NKAIN3: variants seen among roughly 807,000 people sequenced by gnomAD.
NKAIN3 encodes the protein sodium/potassium transporting ATPase interacting 3, also known as sodium/potassium-transporting ATPase subunit beta-1-interacting protein 3.
A neutral mutation model predicts 30.2 loss-of-function variants in NKAIN3; 25 were observed. That is an observed-to-expected ratio of 0.83 (90% CI 0.60 to 1.16). The LOEUF (loss-of-function observed/expected upper bound fraction) is 1.16, where lower values mean the gene tolerates loss of function less well. Ranked by LOEUF, NKAIN3 falls within the 50% of genes most tolerant of loss-of-function variation. NKAIN3 has a pLI of 0.00. For synonymous variants in NKAIN3, 91 were observed against 89.6 expected, an observed-to-expected ratio of 1.02 and a Z score of -0.09; for missense variants, 225 against 254.1, an observed-to-expected ratio of 0.89 and a Z score of 0.78.
intron 1 of NKAIN3, among the ~76,000 whole-genome samples, chr8:62,548,266 A>G (rs1415444505): frequency 2.6e-5 from 4 of 152,238 alleles, no homozygotes; most frequent in African/African-American, 7.2e-5. Flanking sequence ...AAATATATTC[A>G]GTATTTTAAT....
At chr8:62,958,728 T>A (rs562377648) in intron 6 of NKAIN3, among the ~76,000 whole-genome samples, 1 of 152,228 alleles carries the variant, frequency 6.6e-6, no homozygotes, top group Non-Finnish European at 1.5e-5. Context: ...AAATTGAAGT[T>A]TGTCAAAATC....
At chr8:62,883,457 G>GTTGTTGTTGTTTT in intron 4 of NKAIN3, among the ~76,000 whole-genome samples, 2 of 70,226 alleles carry the variant, frequency 2.8e-5, no homozygotes, top group African/African-American at 7.0e-5. Context: ...AGTTTTATGG[G>GTTGTTGTTGTTTT]TTTTTTTTTT....
chr8:62,698,569 A>T (rs1464449173), intron 3 of NKAIN3, among the ~76,000 whole-genome samples: 1 of 152,132 alleles, frequency 6.6e-6, no homozygotes, highest in Non-Finnish European at 1.5e-5. Flanking sequence ...ACTCTCATGG[A>T]GTTCTTACCA....
intron 1 of NKAIN3, among the ~76,000 whole-genome samples, chr8:62,547,152 A>C (rs541063184): frequency 6.6e-6 from 1 of 152,274 alleles, no homozygotes; most frequent in Admixed American, 6.5e-5. Flanking sequence ...TGATCAAATA[A>C]ATTTTAATGA....
chr8:62,426,297 T>C (rs1804807374), intron 1 of NKAIN3, among the ~76,000 whole-genome samples: 1 of 151,980 alleles, frequency 6.6e-6, no homozygotes, highest in South Asian at 2.1e-4. Flanking sequence ...AAAGAAGTCT[T>C]TCTTTCCTGA....
chr8:62,454,533 T>C (rs1028762981), intron 1 of NKAIN3, among the ~76,000 whole-genome samples: 7 of 145,650 alleles, frequency 4.8e-5, no homozygotes, highest in African/African-American at 1.8e-4. Flanking sequence ...GTAAAAACTA[T>C]AAATTGAACT....
chr8:62,334,944 TAAAG>T (rs1274886081), intron 1 of NKAIN3, among the ~76,000 whole-genome samples: 1 of 151,998 alleles, frequency 6.6e-6, no homozygotes, highest in Non-Finnish European at 1.5e-5. Flanking sequence ...AGTAAGTAAT[TAAAG>T]AGACAGGAAC....
intron 1 of NKAIN3, among the ~76,000 whole-genome samples, chr8:62,302,790 A>G (rs1814093496): frequency 6.6e-6 from 1 of 151,134 alleles, no homozygotes; most frequent in Non-Finnish European, 1.5e-5. Context: ...AAATAGAATG[A>G]TAGGGCTTGA....
chr8:62,395,948 T>C (rs1354082436), intron 1 of NKAIN3, among the ~76,000 whole-genome samples: 1 of 152,206 alleles, frequency 6.6e-6, no homozygotes, highest in Non-Finnish European at 1.5e-5. Flanking sequence ...TGTATTTAAA[T>C]CACCCATATA....
rs10103467 is a variant in NKAIN3, at chr8:62,578,902, G to A, written c.55-637G>A. Among the ~76,000 whole-genome samples, 4 of 152,000 alleles carry A rather than the reference G, an allele frequency of 2.6e-5. No individual in the cohort carries two copies. In the East Asian group the frequency reaches 5.8e-4, roughly 22 times the overall value. On this transcript the variant is annotated intron_variant, in intron 1 of 6. Transcript: ENST00000623646. The stretch of plus-strand genomic sequence containing the variant: ...GTTACCAGAGGCTGGGAAGGGGAGC[G>A]AGGAAAAGATAAAATGAGGATGGTT...
chr8:62,711,091 C>T (rs989181815), intron 3 of NKAIN3, among the ~76,000 whole-genome samples: 2 of 152,118 alleles, frequency 1.3e-5, no homozygotes, highest in African/African-American at 4.8e-5. Flanking sequence ...TGTAGGGTTC[C>T]TACCGAGAAA....
At chr8:62,326,542 T>G (rs1346402252) in intron 1 of NKAIN3, among the ~76,000 whole-genome samples, 12 of 151,678 alleles carry the variant, frequency 7.9e-5, no homozygotes, top group Non-Finnish European at 1.5e-4. Flanking sequence ...AAGCTCACTA[T>G]TAAATTATTA....
chr8:62,861,697 T>C (rs140127143), intron 4 of NKAIN3, among the ~76,000 whole-genome samples: 1 of 152,196 alleles, frequency 6.6e-6, no homozygotes, highest in African/African-American at 2.4e-5. Context: ...TCATGATCAG[T>C]CAAAGATGTC....
intron 3 of NKAIN3, among the ~76,000 whole-genome samples, chr8:62,729,966 A>T (rs1431470144): frequency 5.3e-5 from 8 of 152,210 alleles, no homozygotes. Flanking sequence ...CTGCTGCCAT[A>T]TTGTTCTGTT....
At chr8:62,480,044 A>G (rs1806663418) in intron 1 of NKAIN3, among the ~76,000 whole-genome samples, 1 of 152,158 alleles carries the variant, frequency 6.6e-6, no homozygotes, top group Non-Finnish European at 1.5e-5. Flanking sequence ...TCTTTTCTCA[A>G]AAATTTAAAT....
At chr8:62,941,744 G>T (rs531382913) in intron 5 of NKAIN3, among the ~76,000 whole-genome samples, 26 of 152,154 alleles carry the variant, frequency 1.7e-4, no homozygotes, top group Middle Eastern at 3.4e-3. Flanking sequence ...AGCGAAATTG[G>T]CATAGAAGAG....
chr8:62,253,239 G>A (rs997047712), intron 1 of NKAIN3, among the ~76,000 whole-genome samples: 8 of 152,290 alleles, frequency 5.3e-5, no homozygotes, highest in African/African-American at 1.9e-4. Context: ...AAGATTTAGA[G>A]AAAATAGGCA....
intron 3 of NKAIN3, among the ~76,000 whole-genome samples, chr8:62,661,921 T>C (rs949020607): frequency 3.3e-5 from 5 of 152,106 alleles, no homozygotes; most frequent in Non-Finnish European, 7.4e-5. Flanking sequence ...TGACAGTATA[T>C]TCCACTCACC....
At chr8:62,725,737 G>A (rs1460467423) in intron 3 of NKAIN3, among the ~76,000 whole-genome samples, 1 of 151,884 alleles carries the variant, frequency 6.6e-6, no homozygotes, top group Non-Finnish European at 1.5e-5. Context: ...CTCTGTTTTG[G>A]TTACCATGGC....
Sources: allele counts gnomAD v4.1 joint callset (sites outside exome capture counted in the v4.1 genomes callset), GRCh38; gene constraint gnomAD v4.1.1; transcripts MANE v1.5; gene names NCBI Gene and HGNC (gene_info 2026-07-23, HGNC 2026-07-21).